The following UBAP2 variants were observed in gnomAD, a reference collection of about 807,000 sequenced individuals.
UBAP2 encodes the protein ubiquitin associated protein 2.
A neutral mutation model predicts 139.6 loss-of-function variants in UBAP2; 75 were observed. That is an observed-to-expected ratio of 0.54 (90% CI 0.45 to 0.65). The LOEUF (loss-of-function observed/expected upper bound fraction) is 0.65, where lower values mean the gene tolerates loss of function less well. Among genes scored for constraint, UBAP2 ranks in the 30% least tolerant of loss-of-function variants. UBAP2 has a pLI of 0.00. For synonymous variants in UBAP2, 526 were observed against 526.2 expected, an observed-to-expected ratio of 1.00 and a Z score of 0.01; for missense variants, 1,368 against 1,369.6, an observed-to-expected ratio of 1.00 and a Z score of 0.02.
chr9:33,922,912 G>C (rs756435412), intron 27 of UBAP2, 34 bp from the exon 28 acceptor site: 34 of 1,613,532 alleles, frequency 2.1e-5, no homozygotes, highest in Admixed American at 3.3e-5. Flanking sequence ...TGAAGGTCAG[G>C]TTGGGCTGTA....
intron 6 of UBAP2, among the ~76,000 whole-genome samples, chr9:33,981,801 A>AGGGT (rs1254606124): frequency 7.6e-4 from 91 of 120,028 alleles, no homozygotes; most frequent in Middle Eastern, 4.0e-3. Flanking sequence ...GAAGGAAGGA[A>AGGGT]GGAAGGGTGG....
Position 34,041,979 on chromosome 9 carries a change from C to T in UBAP2, c.-42+6846G>A, listed in dbSNP as rs535726801. ...GGTGAATGTTGCAGTGAGCCAGGAT[C>T]GAGCCACTGCACTCCAGCCTGAGCA... On this transcript the variant is annotated intron_variant, in intron 1 of 28. Transcript: ENST00000379238. Among the ~76,000 whole-genome samples, 7 of 151,896 alleles carry T rather than the reference C, an allele frequency of 4.6e-5. 1 individual carries two copies. Among genetic ancestry groups the T allele is most frequent in the Admixed American group, 2.6e-4 (4 of 15,216 alleles).
chr9:34,035,514 A>AAAAAAAAAATATATATATAT lies in UBAP2; in HGVS notation c.-42+13310_-42+13311insATATATATATATTTTTTTTT. 6.2e-4 allele frequency among the ~76,000 whole-genome samples: 14 copies of AAAAAAAAAATATATATATAT among 22,488 alleles called. 2 individuals carry two copies. Among genetic ancestry groups the AAAAAAAAAATATATATATAT allele is most frequent in the Admixed American group, 1.4e-3 (2 of 1,448 alleles). 14.8% of individuals were successfully genotyped at this position (22,488 alleles called of 152,430 possible). On this transcript the variant is annotated intron_variant, in intron 1 of 28. Transcript: ENST00000379238. ...GAGACTCCATCTAAAAAAAAAAAAAAATATATATATATAAAGATTAGCCAG... is the reference window on the plus strand; with the variant it reads ...GAGACTCCATCTAAAAAAAAAAAAAAAAAAAAAAATATATATATATATATATATATATAAAGATTAGCCAG...
intron 22 of UBAP2, among the ~76,000 whole-genome samples, chr9:33,926,166 C>G (rs891310258): frequency 6.6e-6 from 1 of 152,186 alleles, no homozygotes; most frequent in African/African-American, 2.4e-5. Flanking sequence ...GCCACTCACT[C>G]AGCTGATTGC....
intron 19 of UBAP2, chr9:33,928,882 C>T (rs567296330): frequency 1.3e-5 from 2 of 152,616 alleles, no homozygotes; most frequent in East Asian, 3.9e-4. Context: ...AGGAGAAGGA[C>T]CCAACCTGCC....
intron 20 of UBAP2, 39 bp downstream of exon 20, chr9:33,927,758 G>T: frequency 1.3e-6 from 2 of 1,560,884 alleles, no homozygotes; most frequent in Non-Finnish European, 8.6e-7. Context: ...ACCTTTGAGG[G>T]GCTCAGGGGT....
chr9:34,028,770 C>A (rs1183488668), intron 1 of UBAP2, among the ~76,000 whole-genome samples: 2 of 151,532 alleles, frequency 1.3e-5, no homozygotes, highest in East Asian at 3.9e-4. Flanking sequence ...CAGTCTTCAC[C>A]ACTACTTATA....
At chr9:34,039,143 G>T (rs1035852900) in intron 1 of UBAP2, among the ~76,000 whole-genome samples, 1 of 151,606 alleles carries the variant, frequency 6.6e-6, no homozygotes, top group Admixed American at 6.6e-5. Flanking sequence ...CGTCTGGGAG[G>T]TGGGGGGCAG....
intron 21 of UBAP2, 106 bp from the exon 22 acceptor site, chr9:33,926,770 G>C: frequency 8.2e-7 from 1 of 1,223,628 alleles, no homozygotes; most frequent in South Asian, 1.2e-5. Context: ...AACACACCCG[G>C]GAATGGGATC....
chr9:33,970,516 A>G (rs1827836992), intron 8 of UBAP2, among the ~76,000 whole-genome samples: 2 of 151,352 alleles, frequency 1.3e-5, no homozygotes, highest in South Asian at 4.2e-4. Context: ...TGCATCCTCA[A>G]CCTGCCAGGC....
chr9:33,973,196 T>C lies in UBAP2; in HGVS notation c.562A>G (p.Thr188Ala), dbSNP rs1419934000. 1.2e-6 allele frequency: 2 copies of C among 1,613,866 alleles called. No homozygotes were observed. The highest frequency in any genetic ancestry group is 1.7e-6 in the Non-Finnish European group (2 of 1,179,934). ...GRGRGAGRFS[T>A]QGMGTFNPAD... ...GCTATCACTTACCCCATGCCTTGGGTTGAGAACCTTCCTGCCCCTCTCCCT... is the reference window on the plus strand; with the variant it reads ...GCTATCACTTACCCCATGCCTTGGGCTGAGAACCTTCCTGCCCCTCTCCCT... The change falls in exon 7 of 29, where the codon ACC becomes GCC. Residue 188 changes from threonine to alanine, a missense_variant. Thr to Ala is a moderately conservative substitution (Grantham distance 58, BLOSUM62 0). Transcript: ENST00000379238.
chr9:33,935,843 T>G lies in UBAP2; in HGVS notation c.1965A>C (p.Leu655=). 6.2e-7 allele frequency: 1 copy of G among 1,613,960 alleles called. No homozygotes were observed. Among genetic ancestry groups the G allele is most frequent in the Non-Finnish European group, 8.5e-7 (1 of 1,179,966 alleles). Residue 655 remains leucine, a synonymous_variant, in exon 17 of 29, where the codon CTA becomes CTC. Transcript: ENST00000379238. Reference sequence around the variant, plus strand: ...GTAGCTTGCTGCTATACTTACTGTCTAGTGTCTGCTGACTTCGACCACCAC... The same window carrying G: ...GTAGCTTGCTGCTATACTTACTGTCGAGTGTCTGCTGACTTCGACCACCAC... ...GHGGGRSQQT[L]DTPKTTGPPS...
intron 4 of UBAP2, among the ~76,000 whole-genome samples, chr9:33,989,374 T>C (rs996692059): frequency 1.3e-5 from 2 of 152,144 alleles, no homozygotes; most frequent in Non-Finnish European, 2.9e-5. Flanking sequence ...ACTAATTTTT[T>C]GTATTTTTAG....
At chr9:33,960,184 C>T (rs921188184) in intron 10 of UBAP2, among the ~76,000 whole-genome samples, 2 of 152,010 alleles carry the variant, frequency 1.3e-5, no homozygotes. Flanking sequence ...AGTGATCCTC[C>T]TACCTTAGCT....
Position 33,922,424 on chromosome 9 carries a change from A to G in UBAP2, c.*80T>C, listed in dbSNP as rs538568923. 2 of 1,401,064 alleles carry G rather than the reference A, an allele frequency of 1.4e-6. No individual in the cohort carries two copies. The highest frequency in any genetic ancestry group is 2.0e-6 in the Non-Finnish European group (2 of 1,007,300). The allele number at this position is 1,401,064 out of a possible 1,614,324, so 86.8% of individuals were successfully genotyped here. A position where few individuals can be genotyped will look rare whatever the true frequency, so the allele number is the denominator to read the frequency against. ...CATGTCGGGAATTCTAGGAAAGGGC[A>G]CTGGGCTCCCAAATACGTGCTCGTG... On this transcript the variant is annotated 3_prime_UTR_variant, in exon 29 of 29. Coordinates refer to ENST00000379238, the MANE Select transcript of UBAP2 (RefSeq NM_001370062.2).
At chr9:34,016,667 T>G (rs1401736844) in intron 2 of UBAP2, among the ~76,000 whole-genome samples, 1 of 151,860 alleles carries the variant, frequency 6.6e-6, no homozygotes, top group Non-Finnish European at 1.5e-5. Context: ...GCGATTCTCC[T>G]GCCTTAGCCT....
chr9:33,923,321 T>C (rs1237589016), intron 25 of UBAP2, 28 bp from the exon 26 acceptor site: 5 of 1,614,036 alleles, frequency 3.1e-6, no homozygotes, highest in East Asian at 4.5e-5. Context: ...AAGAGGCAAG[T>C]GTGAGCCAGG....
intron 1 of UBAP2, 46 bp downstream of exon 1, chr9:34,048,779 C>T (rs1466701078): frequency 6.6e-6 from 1 of 152,250 alleles, no homozygotes; most frequent in Admixed American, 6.5e-5. Context: ...CGCTGCAGCG[C>T]TCAGGGCCCT....
rs935274241 is a variant in UBAP2, at chr9:33,968,163, G to A, written c.679+3488C>T. The A allele has an allele frequency of 5.2e-5, 31 of 596,418 alleles. No homozygotes were observed. The African/African-American group carries it at 5.8e-4, about 11-fold the overall frequency. The allele number at this position is 596,418 out of a possible 1,614,324, so 36.9% of individuals were successfully genotyped here. ...ACACAGACAAATCCAATGAATAGAA[G>A]AAGAAATCTACTGGGTTTTGGGATA... On this transcript the variant is annotated intron_variant, in intron 8 of 28. Transcript: ENST00000379238.
Sources: gnomAD v4.1 joint callset for allele counts (sites outside exome capture counted in the v4.1 genomes callset) on GRCh38, gnomAD v4.1.1 for gene constraint, MANE v1.5 for transcripts, NCBI Gene and HGNC (gene_info 2026-07-23, HGNC 2026-07-21) for gene names.